Variants in ATRNL1 observed in about 807,000 individuals in gnomAD.
ATRNL1 encodes attractin like 1.
ATRNL1 carries 95 observed loss-of-function variants against 182.7 expected under a neutral mutation model. That is an observed-to-expected ratio of 0.52 (90% CI 0.44 to 0.62). The LOEUF is 0.62. Among genes scored for constraint, ATRNL1 ranks in the 20% least tolerant of loss-of-function variants. The probability of loss-of-function intolerance (pLI) is 0.00; values close to 1 mark genes in which losing one functional copy is unlikely to be tolerated. For missense variants in ATRNL1, 1,471 were observed against 1,679.5 expected, an observed-to-expected ratio of 0.88 and a Z score of 2.17; for synonymous variants, 576 against 568.3, an observed-to-expected ratio of 1.01 and a Z score of -0.19.
intron 26 of ATRNL1, among the ~76,000 whole-genome samples, chr10:115,651,315 C>T (rs544083802): frequency 6.6e-5 from 10 of 152,224 alleles, no homozygotes; most frequent in African/African-American, 2.2e-4. Context: ...TTCAGCGTCC[C>T]GCATTAGACC....
chr10:115,528,694 T>C (rs1592791644), intron 25 of ATRNL1, among the ~76,000 whole-genome samples: 1 of 152,112 alleles, frequency 6.6e-6, no homozygotes, highest in East Asian at 1.9e-4. Context: ...TTTGTTCTTT[T>C]TCTAGTTCAA....
chr10:115,292,802 G>A (rs1852982779), intron 15 of ATRNL1, among the ~76,000 whole-genome samples: 1 of 152,070 alleles, frequency 6.6e-6, no homozygotes, highest in South Asian at 2.1e-4. Flanking sequence ...CCTGGAGAAT[G>A]TTCCACATGC....
intron 27 of ATRNL1, among the ~76,000 whole-genome samples, chr10:115,734,081 TATC>T (rs1947878856): frequency 6.6e-6 from 1 of 152,152 alleles, no homozygotes; most frequent in African/African-American, 2.4e-5. Context: ...TTTTGTGGTA[TATC>T]ATCATTTATT....
intron 19 of ATRNL1, among the ~76,000 whole-genome samples, chr10:115,368,838 T>C (rs1857225153): frequency 6.6e-6 from 1 of 151,830 alleles, no homozygotes; most frequent in African/African-American, 2.4e-5. Flanking sequence ...CTGAGCCTCC[T>C]GAGTAGCTGA....
intron 28 of ATRNL1, among the ~76,000 whole-genome samples, chr10:115,854,201 G>A (rs948990996): frequency 1.5e-4 from 23 of 152,190 alleles, no homozygotes; most frequent in African/African-American, 5.5e-4. Flanking sequence ...CAATTGCTAA[G>A]TTTAATATTT....
chr10:115,417,164 C>A (rs114520340), intron 20 of ATRNL1, among the ~76,000 whole-genome samples: 1,778 of 152,318 alleles, frequency 0.012, 34 homozygotes, highest in African/African-American at 0.039. Flanking sequence ...GATTTGACTA[C>A]AGCCCTGTTT....
rs184520008 is a variant in ATRNL1 at position 115,361,439 on chromosome 10, T to G, written c.3175+27020T>G. Among the ~76,000 whole-genome samples the G allele has an allele frequency of 1.6e-4, 24 of 152,164 alleles. No homozygotes were observed. In the East Asian group the frequency reaches 2.7e-3, roughly 17 times the overall value. On this transcript the variant is annotated intron_variant, in intron 19 of 28. Transcript: ENST00000355044. Reference sequence around the variant, plus strand: ...TATCAAGCAGCTTTGGTACTTTTAGTGGGCTCTGAGCATCATTGTTTGTGG... The same window carrying G: ...TATCAAGCAGCTTTGGTACTTTTAGGGGGCTCTGAGCATCATTGTTTGTGG...
intron 26 of ATRNL1, among the ~76,000 whole-genome samples, chr10:115,670,514 G>A (rs1206768711): frequency 2.0e-5 from 3 of 152,048 alleles, no homozygotes; most frequent in Non-Finnish European, 4.4e-5. Flanking sequence ...ATAATAACTT[G>A]TGTGAGTAAT....
At chr10:115,212,588 G>T (rs1344768570) in intron 8 of ATRNL1, among the ~76,000 whole-genome samples, 1 of 151,936 alleles carries the variant, frequency 6.6e-6, no homozygotes, top group African/African-American at 2.4e-5. Context: ...CAATAGCAAA[G>T]AATCAATCTA....
At chr10:115,490,255 A>C (rs543886844) in intron 24 of ATRNL1, among the ~76,000 whole-genome samples, 2 of 152,122 alleles carry the variant, frequency 1.3e-5, no homozygotes, top group East Asian at 3.9e-4. Flanking sequence ...GTATTTCCTG[A>C]ATTTGAATGT....
At chr10:115,377,485 T>A (rs997294362) in intron 19 of ATRNL1, among the ~76,000 whole-genome samples, 9 of 152,242 alleles carry the variant, frequency 5.9e-5, no homozygotes, top group Admixed American at 2.0e-4. Flanking sequence ...TGTCTATCTA[T>A]GTTTCCTTGC....
At chr10:115,415,594 G>A (rs1312696373) in intron 20 of ATRNL1, among the ~76,000 whole-genome samples, 30 of 151,628 alleles carry the variant, frequency 2.0e-4, no homozygotes, top group Admixed American at 1.2e-3. Context: ...TGGTTAGGAA[G>A]CCTTTTATTT....
chr10:115,368,571 C>T (rs1340030816), intron 19 of ATRNL1, among the ~76,000 whole-genome samples: 1 of 151,942 alleles, frequency 6.6e-6, no homozygotes, highest in Non-Finnish European at 1.5e-5. Context: ...GCTACAGTCA[C>T]CATGGCTGTA....
intron 26 of ATRNL1, among the ~76,000 whole-genome samples, chr10:115,617,030 T>C (rs1221266988): frequency 1.3e-5 from 2 of 152,156 alleles, no homozygotes; most frequent in African/African-American, 4.8e-5. Context: ...GAGCCGACTG[T>C]AACTTGCACC....
At chr10:115,355,721 T>C (rs1046136053) in intron 19 of ATRNL1, among the ~76,000 whole-genome samples, 6 of 152,102 alleles carry the variant, frequency 3.9e-5, no homozygotes, top group Non-Finnish European at 8.8e-5. Flanking sequence ...TATTGCAAGG[T>C]GCTTAATGGG....
intron 20 of ATRNL1, among the ~76,000 whole-genome samples, chr10:115,397,058 T>G (rs1354639368): frequency 1.3e-5 from 2 of 151,890 alleles, no homozygotes; most frequent in Non-Finnish European, 2.9e-5. Flanking sequence ...TTATTTAGCT[T>G]TTGAGTATGG....
chr10:115,655,823 G>A (rs1860294173), intron 26 of ATRNL1, among the ~76,000 whole-genome samples: 1 of 152,126 alleles, frequency 6.6e-6, no homozygotes, highest in African/African-American at 2.4e-5. Context: ...AGCTGTTAGG[G>A]TCAATATATT....
chr10:115,230,588 G>A (rs2144514469), intron 9 of ATRNL1, among the ~76,000 whole-genome samples: 1 of 152,270 alleles, frequency 6.6e-6, no homozygotes, highest in South Asian at 2.1e-4. Context: ...TTTTACTTTG[G>A]TATGGGTAGA....
intron 24 of ATRNL1, among the ~76,000 whole-genome samples, chr10:115,512,442 A>G (rs1318467775): frequency 6.6e-6 from 1 of 151,848 alleles, no homozygotes; most frequent in Non-Finnish European, 1.5e-5. Flanking sequence ...TGAAGTCCTA[A>G]GAATACTCCT....
Sources: allele counts gnomAD v4.1 joint callset (sites outside exome capture counted in the v4.1 genomes callset), GRCh38; gene constraint gnomAD v4.1.1; transcripts MANE v1.5; gene names NCBI Gene and HGNC (gene_info 2026-07-23, HGNC 2026-07-21).